The following NOL4 variants were observed in gnomAD, a reference collection of about 807,000 sequenced individuals.
The protein encoded by NOL4 is cancer/testis antigen 125.
A neutral mutation model predicts 75.9 loss-of-function variants in NOL4; 17 were observed. That is an observed-to-expected ratio of 0.22 (90% confidence interval 0.15 to 0.34). The LOEUF (loss-of-function observed/expected upper bound fraction) is 0.34, where lower values mean the gene tolerates loss of function less well. Ranked by LOEUF, NOL4 falls within the 10% of genes least tolerant of loss-of-function variation. The pLI is 1.00. For missense variants in NOL4, 614 were observed against 793.5 expected (o/e 0.77, Z 2.72); for synonymous variants, 292 against 289.9 (o/e 1.01, Z -0.07).
intron 8 of NOL4, among the ~76,000 whole-genome samples, chr18:33,943,529 C>T (rs1216870976): frequency 6.6e-6 from 1 of 151,532 alleles, no homozygotes; most frequent in African/African-American, 2.4e-5. Context: ...CAACATATGA[C>T]ATGCACAAAA....
At chr18:33,886,821 A>G (rs1429394049) in intron 9 of NOL4, among the ~76,000 whole-genome samples, 1 of 141,550 alleles carries the variant, frequency 7.1e-6, no homozygotes, top group Non-Finnish European at 1.5e-5. Flanking sequence ...AGATATATCT[A>G]TATACATATA....
chr18:34,194,267 C>T (rs964950786), intron 1 of NOL4, among the ~76,000 whole-genome samples: 1 of 151,988 alleles, frequency 6.6e-6, no homozygotes. Context: ...TGTTAATTAG[C>T]TCAATTTAGT....
chr18:33,940,929 G>T (rs1401993003), intron 9 of NOL4, among the ~76,000 whole-genome samples: 1 of 151,776 alleles, frequency 6.6e-6, no homozygotes, highest in Non-Finnish European at 1.5e-5. Context: ...ATTATTTTTA[G>T]AAGTTTTTCT....
At chr18:33,938,791 T>C (rs2068253561) in intron 9 of NOL4, among the ~76,000 whole-genome samples, 1 of 152,162 alleles carries the variant, frequency 6.6e-6, no homozygotes, top group East Asian at 1.9e-4. Context: ...TTAGATGCCA[T>C]TTGTCAATTT....
chr18:33,883,227 C>G lies in NOL4; in HGVS notation c.1723+17G>C, dbSNP rs578149582. ...ATAATAATTAAAAAAAAAACACAAT[C>G]TATGATAAATACTCACCACTGCTGG... On this transcript the variant is annotated intron_variant, in intron 10 of 10. Coordinates refer to ENST00000261592, the MANE Select transcript of NOL4 (RefSeq NM_003787.5). 13 of 1,545,482 alleles carry G rather than the reference C, an allele frequency of 8.4e-6. No individual in the cohort carries two copies. Among genetic ancestry groups the G allele is most frequent in the African/African-American group, 8.4e-5 (6 of 71,796 alleles).
intron 1 of NOL4, among the ~76,000 whole-genome samples, chr18:34,145,622 A>G (rs2081365666): frequency 6.6e-6 from 1 of 151,874 alleles, no homozygotes; most frequent in South Asian, 2.1e-4. Flanking sequence ...CTTCTCATGT[A>G]TTTGAGTTAC....
At chr18:34,032,590 C>T (rs1018296275) in intron 5 of NOL4, among the ~76,000 whole-genome samples, 1 of 152,160 alleles carries the variant, frequency 6.6e-6, no homozygotes, top group Non-Finnish European at 1.5e-5. Context: ...CCACTCGGCT[C>T]ATCACAGTCC....
chr18:34,114,367 G>A (rs905648826), intron 2 of NOL4, among the ~76,000 whole-genome samples: 6 of 152,102 alleles, frequency 3.9e-5, no homozygotes, highest in African/African-American at 1.4e-4. Flanking sequence ...AAAATAGAAT[G>A]GATGTTAGTC....
At chr18:33,947,040 C>A (rs1367684136) in intron 8 of NOL4, among the ~76,000 whole-genome samples, 1 of 151,800 alleles carries the variant, frequency 6.6e-6, no homozygotes, top group Non-Finnish European at 1.5e-5. Context: ...CCAATACACA[C>A]AGGGCTCAAG....
chr18:34,108,880 C>T (rs918364080), intron 2 of NOL4, among the ~76,000 whole-genome samples: 21 of 152,102 alleles, frequency 1.4e-4, no homozygotes, highest in African/African-American at 4.6e-4. Context: ...CACCCAACAG[C>T]AGCAGAATAC....
chr18:34,058,121 G>A (rs2076905817), intron 5 of NOL4, among the ~76,000 whole-genome samples: 1 of 151,830 alleles, frequency 6.6e-6, no homozygotes, highest in Non-Finnish European at 1.5e-5. Flanking sequence ...CTCTTCCTCT[G>A]CTGGCCTGTT....
intron 2 of NOL4, among the ~76,000 whole-genome samples, chr18:34,110,659 A>G (rs950778316): frequency 3.0e-4 from 46 of 152,288 alleles, no homozygotes; most frequent in African/African-American, 1.1e-3. Flanking sequence ...CTTGTATTCA[A>G]TATGGTACTA....
chr18:34,134,941 C>T (rs1233429903), intron 1 of NOL4, among the ~76,000 whole-genome samples: 2 of 152,004 alleles, frequency 1.3e-5, no homozygotes, highest in African/African-American at 2.4e-5. Context: ...CAAACCAGTG[C>T]TAAATGCCTG....
chr18:34,055,148 A>C (rs2076783247), intron 5 of NOL4, among the ~76,000 whole-genome samples: 1 of 151,598 alleles, frequency 6.6e-6, no homozygotes, highest in Admixed American at 6.6e-5. Flanking sequence ...TTGTCATTTA[A>C]ATTTTATATA....
At chr18:34,216,704 G>A (rs2036915777) in intron 1 of NOL4, among the ~76,000 whole-genome samples, 1 of 150,906 alleles carries the variant, frequency 6.6e-6, no homozygotes, top group Non-Finnish European at 1.5e-5. Context: ...GAGGTGGGAA[G>A]AAGTGAAAAT....
At chr18:34,145,703 T>C (rs1236725553) in intron 1 of NOL4, among the ~76,000 whole-genome samples, 1 of 151,898 alleles carries the variant, frequency 6.6e-6, no homozygotes, top group African/African-American at 2.4e-5. Flanking sequence ...GAAACAACAG[T>C]ACTAAGTAAC....
At chr18:33,853,810 G>A (rs575669065) in intron 10 of NOL4, among the ~76,000 whole-genome samples, 3 of 152,074 alleles carry the variant, frequency 2.0e-5, no homozygotes, top group South Asian at 2.1e-4. Flanking sequence ...TTCATGTGCC[G>A]AAACCTTTTT....
Position 33,883,436 on chromosome 18 carries a change from G to A in NOL4, c.1543-12C>T. 1 of 1,593,624 alleles carries A rather than the reference G, an allele frequency of 6.3e-7. No individual in the cohort carries two copies. Among genetic ancestry groups the A allele is most frequent in the South Asian group, 1.1e-5 (1 of 87,794 alleles). On this transcript the variant is annotated splice_polypyrimidine_tract_variant and intron_variant, in intron 9 of 10. Transcript: ENST00000261592. ...GGAGCAGACTCATCCTGCAAGGACA[G>A]ACAGCATTCCATTATTTATCACCTC...
intron 6 of NOL4, among the ~76,000 whole-genome samples, chr18:34,017,634 C>T (rs2074779049): frequency 6.6e-6 from 1 of 152,002 alleles, no homozygotes; most frequent in South Asian, 2.1e-4. Flanking sequence ...TGATTCTTTT[C>T]CCAATGTGCT....
Sources: allele counts gnomAD v4.1 joint callset (sites outside exome capture counted in the v4.1 genomes callset), GRCh38; gene constraint gnomAD v4.1.1; transcripts MANE v1.5; gene names NCBI Gene and HGNC (gene_info 2026-07-23, HGNC 2026-07-21).